The following RNF150 variants were observed in gnomAD, a reference collection of about 807,000 sequenced individuals.
RNF150 encodes the protein ring finger protein 150.
A neutral mutation model predicts 39.3 loss-of-function variants in RNF150; 24 were observed. That is an observed-to-expected ratio of 0.61 (90% confidence interval 0.44 to 0.86). The LOEUF (loss-of-function observed/expected upper bound fraction) is 0.86, where lower values mean the gene tolerates loss of function less well. Ranked by LOEUF, RNF150 falls within the 40% of genes least tolerant of loss-of-function variation. RNF150 has a pLI of 0.00. For missense variants in RNF150, 502 were observed against 587.8 expected, an observed-to-expected ratio of 0.85 and a Z score of 1.51; for synonymous variants, 255 against 227.3, an observed-to-expected ratio of 1.12 and a Z score of -1.10.
At chr4:141,129,955 T>G (rs1378036655) in intron 1 of RNF150, among the ~76,000 whole-genome samples, 1 of 152,184 alleles carries the variant, frequency 6.6e-6, no homozygotes, top group African/African-American at 2.4e-5. Context: ...GCTTTTGCAG[T>G]TTTTAAAACT....
intron 4 of RNF150, among the ~76,000 whole-genome samples, chr4:140,936,428 T>C (rs1308155950): frequency 6.6e-6 from 1 of 152,204 alleles, no homozygotes; most frequent in Non-Finnish European, 1.5e-5. Flanking sequence ...TGGCCAAGTA[T>C]ATAAAATTCT....
rs1186876801 is a variant in RNF150, at chr4:141,170,737, G to GAC, written c.-6+42055_-6+42056dup. Reference sequence around the variant, plus strand: ...TCATTTTGGAAATGACCACAGAAATGACCACAGAAAGCAAATGGTAAATCA... The same window carrying GAC: ...TCATTTTGGAAATGACCACAGAAATGACACCACAGAAAGCAAATGGTAAATCA... On this transcript the variant is annotated intron_variant, in intron 1 of 7. Transcript: ENST00000420921. 3.3e-5 allele frequency among the ~76,000 whole-genome samples: 5 copies of GAC among 152,154 alleles called. No homozygotes were observed. In the East Asian group the frequency reaches 9.6e-4, roughly 29 times the overall value.
At chr4:141,147,707 G>T (rs1727226377) in intron 1 of RNF150, among the ~76,000 whole-genome samples, 1 of 152,108 alleles carries the variant, frequency 6.6e-6, no homozygotes, top group East Asian at 1.9e-4. Context: ...GGTAGACTCT[G>T]CCTCACTAAG....
Position 140,992,897 on chromosome 4 carries a change from C to T in RNF150, c.485-25024G>A, listed in dbSNP as rs577108480. ...GGTCTAATAACAATGACAGGACAGC[C>T]TCTTCCTTGTGCTCAGGAGCCAAGG... is the stretch of plus-strand genomic sequence containing the variant. On this transcript the variant is annotated intron_variant, in intron 1 of 6. Coordinates refer to ENST00000515673, the MANE Select transcript of RNF150 (RefSeq NM_020724.2). Among the ~76,000 whole-genome samples the T allele has an allele frequency of 2.6e-5, 4 of 152,218 alleles. No homozygotes were observed. The South Asian group carries it at 6.2e-4, about 24-fold the overall frequency.
At chr4:140,957,950 G>A (rs1203491474) in intron 2 of RNF150, among the ~76,000 whole-genome samples, 1 of 150,938 alleles carries the variant, frequency 6.6e-6, no homozygotes, top group Admixed American at 6.6e-5. Flanking sequence ...GCTAGATGAC[G>A]AGTTAGTGGG....
intron 1 of RNF150, among the ~76,000 whole-genome samples, chr4:141,110,576 A>C (rs1373430662): frequency 1.5e-5 from 2 of 137,374 alleles, no homozygotes; most frequent in African/African-American, 6.9e-5. Context: ...ACCACACCTA[A>C]TTTTTAATTT....
At chr4:141,090,654 C>CATGG (rs1157438303) in intron 1 of RNF150, among the ~76,000 whole-genome samples, 2 of 152,152 alleles carry the variant, frequency 1.3e-5, no homozygotes, top group Non-Finnish European at 2.9e-5. Context: ...GTGCTGGGTT[C>CATGG]ATGGCCTCAG....
At chr4:140,921,520 G>A (rs1731146351) in intron 5 of RNF150, among the ~76,000 whole-genome samples, 2 of 152,120 alleles carry the variant, frequency 1.3e-5, no homozygotes, top group South Asian at 4.1e-4. Context: ...TGGATTCACA[G>A]CCGAATTCTA....
chr4:140,900,715 C>T (rs927484665), intron 6 of RNF150, among the ~76,000 whole-genome samples: 8 of 152,016 alleles, frequency 5.3e-5, no homozygotes, highest in African/African-American at 1.9e-4. Flanking sequence ...CAATATATAC[C>T]ATGATGTGTC....
intron 1 of RNF150, among the ~76,000 whole-genome samples, chr4:141,030,293 A>C (rs560131636): frequency 5.0e-5 from 7 of 140,656 alleles, no homozygotes; most frequent in African/African-American, 1.0e-4. Flanking sequence ...AAAAAAAAAA[A>C]CCCAGAAAAT....
chr4:141,162,128 C>T (rs1727523916), intron 1 of RNF150, among the ~76,000 whole-genome samples: 1 of 152,172 alleles, frequency 6.6e-6, no homozygotes, highest in Non-Finnish European at 1.5e-5. Flanking sequence ...TCAACGCCAG[C>T]CCATGAGAAC....
At chr4:141,180,412 C>G (rs1727887514) in intron 1 of RNF150, among the ~76,000 whole-genome samples, 1 of 152,136 alleles carries the variant, frequency 6.6e-6, no homozygotes, top group Non-Finnish European at 1.5e-5. Flanking sequence ...TCATGCTACC[C>G]CAGCTAAAAA....
chr4:140,999,559 G>A (rs1349906460), intron 1 of RNF150, among the ~76,000 whole-genome samples: 1 of 152,046 alleles, frequency 6.6e-6, no homozygotes. Flanking sequence ...AAAAAGTTGG[G>A]GCACATGGTT....
At chr4:140,969,699 G>T (rs1339647857) in intron 1 of RNF150, among the ~76,000 whole-genome samples, 2 of 150,114 alleles carry the variant, frequency 1.3e-5, no homozygotes, top group African/African-American at 4.9e-5. Context: ...TTTTTTTTGG[G>T]ACAGGATCTT....
intron 1 of RNF150, among the ~76,000 whole-genome samples, chr4:140,977,434 C>A (rs193220731): frequency 1.9e-4 from 29 of 152,124 alleles, no homozygotes; most frequent in Non-Finnish European, 3.8e-4. Context: ...ATCCATGAGA[C>A]GAAAATTCCA....
chr4:140,984,063 C>A (rs1733944605), intron 1 of RNF150, among the ~76,000 whole-genome samples: 1 of 152,162 alleles, frequency 6.6e-6, no homozygotes, highest in Non-Finnish European at 1.5e-5. Context: ...TGACTGTGAC[C>A]TGTCACATGA....
chr4:140,966,071 A>T (rs1287566289), intron 2 of RNF150, among the ~76,000 whole-genome samples: 1 of 152,156 alleles, frequency 6.6e-6, no homozygotes, highest in Non-Finnish European at 1.5e-5. Context: ...GTAGTGGCTC[A>T]CGCCTGTAAT....
chr4:140,987,967 A>C (rs1329729302), intron 1 of RNF150, among the ~76,000 whole-genome samples: 1 of 152,224 alleles, frequency 6.6e-6, no homozygotes, highest in Non-Finnish European at 1.5e-5. Flanking sequence ...CACTTCTCAA[A>C]AGAAGACATA....
chr4:140,953,522 AT>A (rs3033157), intron 2 of RNF150, among the ~76,000 whole-genome samples: 73,353 of 150,342 alleles, frequency 0.49, 18,195 homozygotes, highest in East Asian at 0.82. Context: ...GTAATAAAAG[AT>A]TTTTTTTTTT....
Sources: allele counts gnomAD v4.1 joint callset (sites outside exome capture counted in the v4.1 genomes callset), GRCh38; gene constraint gnomAD v4.1.1; transcripts MANE v1.5; gene names NCBI Gene and HGNC (gene_info 2026-07-23, HGNC 2026-07-21).